WNT3A: variants seen among roughly 807,000 people sequenced by gnomAD.
WNT3A encodes protein Wnt-3a.
Under a neutral mutation model 37.0 loss-of-function variants are expected in WNT3A, and 17 were observed. The ratio of observed to expected loss-of-function variants is 0.46; its 90% CI spans 0.31 to 0.69. WNT3A has a LOEUF of 0.69. Ranked by LOEUF, WNT3A falls within the 30% of genes least tolerant of loss-of-function variation. WNT3A has a pLI of 0.05. For synonymous variants in WNT3A, 187 were observed against 211.0 expected, an observed-to-expected ratio of 0.89 and a Z score of 0.99; for missense variants, 411 against 510.2, an observed-to-expected ratio of 0.81 and a Z score of 1.87.
intron 1 of WNT3A, among the ~76,000 whole-genome samples, chr1:228,013,935 A>G (rs1177626254): frequency 1.3e-5 from 2 of 152,222 alleles, no homozygotes; most frequent in Non-Finnish European, 2.9e-5. Context: ...CACAGAGGGG[A>G]AGCCCACCTG....
chr1:228,035,823 TC>T (rs2031124047), intron 2 of WNT3A, among the ~76,000 whole-genome samples: 1 of 152,032 alleles, frequency 6.6e-6, no homozygotes, highest in Admixed American at 6.6e-5. Flanking sequence ...CCCACTTACC[TC>T]CCCTGGACCC....
In WNT3A at chr1:228,050,344, G is replaced by A. The variant is rs2031516365; in HGVS notation, c.314-312G>A. Among the ~76,000 whole-genome samples the A allele has an allele frequency of 6.6e-6, 1 of 152,164 alleles. No individual in the cohort carries two copies. The highest frequency in any genetic ancestry group is 2.1e-4 in the South Asian group (1 of 4,834). On this transcript the variant is annotated intron_variant, in intron 2 of 3. Transcript: ENST00000284523. This position sits in a 1 kb window ranked among gnomAD's most constrained non-coding sequence, Gnocchi z 5.0. ...CTTAGCCAAAGTTGCTTGTTAAAAA[G>A]AGCCTGGTACCAACCTCCCCTCTCT...
intron 2 of WNT3A, among the ~76,000 whole-genome samples, chr1:228,033,020 G>C (rs1378932998): frequency 6.6e-6 from 1 of 152,106 alleles, no homozygotes; most frequent in African/African-American, 2.4e-5. Context: ...TTTTAATTGG[G>C]TTATTTGTCT....
At chr1:228,033,574 T>C (rs1235726077) in intron 2 of WNT3A, among the ~76,000 whole-genome samples, 1 of 152,254 alleles carries the variant, frequency 6.6e-6, no homozygotes, top group Admixed American at 6.5e-5. Context: ...TGTAGTTTTG[T>C]AGTGTTTTGA....
intron 3 of WNT3A, among the ~76,000 whole-genome samples, chr1:228,057,998 A>G (rs1170984798): frequency 6.6e-6 from 1 of 151,994 alleles, no homozygotes; most frequent in Non-Finnish European, 1.5e-5. Context: ...CACCACGCCT[A>G]ATTTTTGTAT....
rs922167546 is a variant in WNT3A, at chr1:228,039,866, G to T, written c.314-10790G>T. Among the ~76,000 whole-genome samples the T allele has an allele frequency of 6.6e-6, 1 of 152,140 alleles. No homozygotes were observed. The highest frequency in any genetic ancestry group is 1.5e-5 in the Non-Finnish European group (1 of 68,010). On this transcript the variant is annotated intron_variant, in intron 2 of 3. Transcript: ENST00000284523. The surrounding 1 kb of genome is among the most constrained non-coding windows in gnomAD (Gnocchi z 4.1). ...AGCTGGATTTCATTGTCCTATGGTC[G>T]CATTTAACAACAATCCCCACCCCCT...
At chr1:228,034,537 C>T (rs946838696) in intron 2 of WNT3A, among the ~76,000 whole-genome samples, 2 of 152,290 alleles carry the variant, frequency 1.3e-5, no homozygotes, top group Non-Finnish European at 2.9e-5. Context: ...TTCAGTCTTT[C>T]ACCACTGGAT....
chr1:228,020,584 A>T (rs190114144), intron 1 of WNT3A, among the ~76,000 whole-genome samples: 2 of 152,342 alleles, frequency 1.3e-5, no homozygotes, highest in African/African-American at 4.8e-5. Flanking sequence ...AAGACTACCC[A>T]GCTACCTACA....
At chr1:228,032,181 C>A (rs10916258) in intron 2 of WNT3A, among the ~76,000 whole-genome samples, 31,542 of 152,192 alleles carry the variant, frequency 0.21, 3,345 homozygotes, top group East Asian at 0.21. Context: ...CACTGACTCC[C>A]AACCTGGGCA....
intron 2 of WNT3A, among the ~76,000 whole-genome samples, chr1:228,025,130 A>AT (rs1159093121): frequency 6.6e-6 from 1 of 151,938 alleles, no homozygotes; most frequent in Admixed American, 6.6e-5. Flanking sequence ...AGGAAAAAAG[A>AT]TTGTTTTGGC....
At chr1:228,046,748 G>A (rs2102777490) in intron 2 of WNT3A, among the ~76,000 whole-genome samples, 1 of 150,900 alleles carries the variant, frequency 6.6e-6, no homozygotes, top group African/African-American at 2.4e-5. Flanking sequence ...GGGTGTGCAT[G>A]TGTGCTTGTG....
intron 2 of WNT3A, among the ~76,000 whole-genome samples, chr1:228,032,465 A>G (rs2031034649): frequency 6.6e-6 from 1 of 152,236 alleles, no homozygotes; most frequent in East Asian, 1.9e-4. Flanking sequence ...GGAAAGGCCT[A>G]TGAACGAGTC....
intron 2 of WNT3A, among the ~76,000 whole-genome samples, chr1:228,029,154 T>C (rs940107043): frequency 1.3e-5 from 2 of 152,204 alleles, no homozygotes; most frequent in Non-Finnish European, 2.9e-5. Flanking sequence ...CAAGTTGGCA[T>C]TCAGTGGGTT....
rs763552773 is a variant in WNT3A at position 228,059,008 on chromosome 1, T to C, written c.602T>C (p.Leu201Pro). 1 of 1,612,582 alleles carries C rather than the reference T, an allele frequency of 6.2e-7. No individual in the cohort carries two copies. ...GRQAIASHMH[L>P]KCKCHGLSGS... The stretch of plus-strand genomic sequence containing the variant: ...CAGGCCATCGCCAGCCACATGCACC[T>C]CAAGTGCAAGTGCCACGGGCTGTCG... Residue 201 changes from leucine to proline, a missense_variant, in exon 4 of 4, where the codon CTC becomes CCC. Coordinates refer to ENST00000284523, the MANE Select transcript of WNT3A (RefSeq NM_033131.4).
At chr1:228,041,839 C>T (rs965988913) in intron 2 of WNT3A, among the ~76,000 whole-genome samples, 2 of 152,070 alleles carry the variant, frequency 1.3e-5, no homozygotes, top group African/African-American at 4.8e-5. Context: ...GTTCATTCTC[C>T]TTACCAAGGC....
Position 228,007,101 on chromosome 1 carries a change from C to T in WNT3A, c.-28C>T, listed in dbSNP as rs1396465162. Reference sequence around the variant, plus strand: ...GCGCTCACGCTCTCGGGGCGGACTCCCGGCCCTCCGCGCCCTCTCGCGCGG... The same window carrying T: ...GCGCTCACGCTCTCGGGGCGGACTCTCGGCCCTCCGCGCCCTCTCGCGCGG... On this transcript the variant is annotated 5_prime_UTR_variant, in exon 1 of 4. Coordinates refer to ENST00000284523, the MANE Select transcript of WNT3A (RefSeq NM_033131.4). The surrounding 1 kb of genome is among the most constrained non-coding windows in gnomAD (Gnocchi z 6.0). 1.9e-6 allele frequency: 3 copies of T among 1,543,672 alleles called. No individual in the cohort carries two copies. The highest frequency in any genetic ancestry group is 2.6e-6 in the Non-Finnish European group (3 of 1,147,076).
At position 228,059,170 on chromosome 1, in the gene WNT3A, C is replaced by T. The variant is rs1244824420; in HGVS notation, c.764C>T (p.Thr255Ile). Residue 255 changes from threonine to isoleucine, a missense_variant, in exon 4 of 4, where the codon ACC becomes ATC. Transcript: ENST00000284523. ...KHRESRGWVE[T>I]LRPRYTYFKV... ...CGGGAGTCCCGCGGCTGGGTGGAGA[C>T]CCTGCGGCCGCGCTACACCTACTTC... The T allele has an allele frequency of 6.2e-7, 1 of 1,613,270 alleles. No homozygotes were observed. The highest frequency in any genetic ancestry group is 8.5e-7 in the Non-Finnish European group (1 of 1,179,966).
At chr1:228,014,980 G>T (rs763157692) in intron 1 of WNT3A, among the ~76,000 whole-genome samples, 7 of 152,150 alleles carry the variant, frequency 4.6e-5, no homozygotes, top group Non-Finnish European at 8.8e-5. Flanking sequence ...GAATATGACA[G>T]CCTCCCCTTC....
intron 1 of WNT3A, among the ~76,000 whole-genome samples, chr1:228,009,701 C>T (rs2030315270): frequency 1.3e-5 from 2 of 152,206 alleles, no homozygotes; most frequent in African/African-American, 4.8e-5. Context: ...GGGGAATCTC[C>T]TCACCTGGAG....
Sources: gnomAD v4.1 joint callset for allele counts (sites outside exome capture counted in the v4.1 genomes callset) on GRCh38, gnomAD v4.1.1 for gene constraint, Gnocchi (gnomAD v3.1) non-coding constraint, MANE v1.5 for transcripts, NCBI Gene and HGNC (gene_info 2026-07-23, HGNC 2026-07-21) for gene names.